Variants in DNAH14 observed in about 807,000 individuals in gnomAD.
The protein encoded by DNAH14 is axonemal beta dynein heavy chain 14.
Under a neutral mutation model 520.9 loss-of-function variants are expected in DNAH14, and 478 were observed. The observed-to-expected ratio is 0.92, with a 90% CI of 0.85 to 0.99. The LOEUF (loss-of-function observed/expected upper bound fraction) is 0.99, where lower values mean the gene tolerates loss of function less well. Among genes scored for constraint, DNAH14 ranks in the 50% least tolerant of loss-of-function variants. DNAH14 has a pLI of 0.00. For missense variants in DNAH14, 4,831 were observed against 5,234.5 expected, an observed-to-expected ratio of 0.92 and a Z score of 2.38; for synonymous variants, 1,581 against 1,757.2, an observed-to-expected ratio of 0.90 and a Z score of 2.51.
In DNAH14 at chr1:225,333,378, TAC is replaced by T; in HGVS notation, c.9954_9955del (p.Tyr3318Ter). ...DILLSAACIV[Y>X]SGILTPEFRQ... Reference sequence around the variant, plus strand: ...ACTTCTTTCAGCAGCGTGCATTGTCTACAGTGGAATTTTAACACCAGAATTTC... The same window carrying T: ...ACTTCTTTCAGCAGCGTGCATTGTCTAGTGGAATTTTAACACCAGAATTTC... On this transcript the variant is annotated frameshift_variant, in exon 66 of 86. Transcript: ENST00000682510. LOFTEE classifies it high-confidence loss of function. The T allele has an allele frequency of 6.4e-7, 1 of 1,551,792 alleles. No individual in the cohort carries two copies. The highest frequency in any genetic ancestry group is 8.7e-7 in the Non-Finnish European group (1 of 1,146,936).
chr1:225,080,099 G>A (rs2072939573), intron 18 of DNAH14, among the ~76,000 whole-genome samples: 1 of 152,164 alleles, frequency 6.6e-6, no homozygotes, highest in African/African-American at 2.4e-5. Flanking sequence ...TCTCAACTAT[G>A]AATGAATGTA....
At chr1:225,126,265 A>C (rs1371881136) in intron 27 of DNAH14, among the ~76,000 whole-genome samples, 1 of 152,142 alleles carries the variant, frequency 6.6e-6, no homozygotes, top group Admixed American at 6.6e-5. Context: ...GGTTACCACA[A>C]ATCTTCAATT....
intron 48 of DNAH14, among the ~76,000 whole-genome samples, chr1:225,266,119 T>C (rs531170067): frequency 7.2e-5 from 11 of 152,118 alleles, no homozygotes; most frequent in South Asian, 2.1e-4. Context: ...GGTTTAAAAT[T>C]TGGAAATGTG....
At chr1:225,265,930 A>G (rs1252108046) in intron 48 of DNAH14, among the ~76,000 whole-genome samples, 2 of 152,066 alleles carry the variant, frequency 1.3e-5, no homozygotes, top group African/African-American at 2.4e-5. Flanking sequence ...ATAAATATAT[A>G]TATATATATT....
chr1:225,350,425 A>C (rs975412108), intron 71 of DNAH14, among the ~76,000 whole-genome samples: 1 of 152,084 alleles, frequency 6.6e-6, no homozygotes, highest in Admixed American at 6.6e-5. Context: ...AAGCAGTGAT[A>C]AACAAAATAG....
rs115542482 is a variant in DNAH14 at position 224,969,011 on chromosome 1, G to A, written c.767+137G>A. The A allele has an allele frequency of 1.4e-3, 800 of 558,350 alleles. 6 individuals are homozygous for A. The highest frequency in any genetic ancestry group is 0.013 in the African/African-American group (654 of 49,746). The allele number at this position is 558,350 out of a possible 1,614,324, so 34.6% of individuals were successfully genotyped here. ...ATTCTTTTATCTAAAAATTTTTTAC[G>A]GAACACCCCATTTCCTCTGTAACTT... On this transcript the variant is annotated intron_variant, in intron 7 of 85. Transcript: ENST00000682510.
chr1:225,109,518 C>T lies in DNAH14; in HGVS notation c.3868-8166C>T, dbSNP rs192173401. On this transcript the variant is annotated intron_variant, in intron 23 of 85. Coordinates refer to ENST00000682510, the MANE Select transcript of DNAH14 (RefSeq NM_001367479.1). Reference sequence around the variant, plus strand: ...TTGATTTTTTTTCATATTGTTCACTCTTGGCATATAGAAATGCTACTGATT... The same window carrying T: ...TTGATTTTTTTTCATATTGTTCACTTTTGGCATATAGAAATGCTACTGATT... Among the ~76,000 whole-genome samples, 175 of 151,872 alleles carry T rather than the reference C, an allele frequency of 1.2e-3. 1 individual carries two copies. Among genetic ancestry groups the T allele is most frequent in the Non-Finnish European group, 1.9e-3 (127 of 67,878 alleles).
At chr1:224,963,236 CTT>C (rs1269635762) in intron 4 of DNAH14, among the ~76,000 whole-genome samples, 3 of 151,890 alleles carry the variant, frequency 2.0e-5, no homozygotes, top group African/African-American at 7.3e-5. Context: ...TATATTTTAA[CTT>C]TGTGTATGGT....
In DNAH14 at chr1:225,023,725, G is replaced by A. The variant is rs2065889507; in HGVS notation, c.1218G>A (p.Lys406=). ...KYRRLLETFF[K]FVMLVDYIFQ... ...GACGTTTATTAGAAACATTTTTCAA[G>A]TTTGTAATGCTGGTTGACTACATAT... The change falls in exon 11 of 86, where the codon AAG becomes AAA. Residue 406 remains lysine, a synonymous_variant. Coordinates refer to ENST00000682510, the MANE Select transcript of DNAH14 (RefSeq NM_001367479.1). The A allele has an allele frequency of 6.4e-7, 1 of 1,550,794 alleles. No individual in the cohort carries two copies. Among genetic ancestry groups the A allele is most frequent in the Non-Finnish European group, 8.7e-7 (1 of 1,146,506 alleles).
rs533328118 is a variant in DNAH14 at position 225,042,959 on chromosome 1, A to G, written c.1613A>G (p.His538Arg). 2.8e-5 allele frequency: 43 copies of G among 1,551,980 alleles called. 1 individual carries two copies. In the South Asian group the frequency reaches 4.0e-4, roughly 15 times the overall value. Residue 538 changes from histidine (H) to arginine (R), a missense_variant, in exon 13 of 86, where the codon CAT (histidine) becomes CGT (arginine). By Grantham distance (29) the His-to-Arg change is conservative. Coordinates refer to ENST00000682510, the MANE Select transcript of DNAH14 (RefSeq NM_001367479.1). ...TCAGAAAATTCTAAAGAGAACTTTC[A>G]TGAGTCTGACCAGTGCCCTGAAGAG... ...DSSENSKENF[H>R]ESDQCPEECV... is the part of the protein sequence containing the mutation.
At chr1:225,016,100 A>G (rs1046409212) in intron 10 of DNAH14, among the ~76,000 whole-genome samples, 3 of 152,214 alleles carry the variant, frequency 2.0e-5, no homozygotes, top group African/African-American at 4.8e-5. Flanking sequence ...TTTTTCAATA[A>G]CTAATGTATA....
At chr1:225,009,238 G>T (rs1399475889) in intron 10 of DNAH14, among the ~76,000 whole-genome samples, 1 of 152,132 alleles carries the variant, frequency 6.6e-6, no homozygotes, top group Non-Finnish European at 1.5e-5. Flanking sequence ...ATGGTTTTAG[G>T]TCTTACATTT....
At chr1:225,097,635 G>A (rs73133577) in intron 22 of DNAH14, among the ~76,000 whole-genome samples, 5,519 of 151,896 alleles carry the variant, frequency 0.036, 310 homozygotes, top group African/African-American at 0.13. Context: ...TAAGGTGGGC[G>A]TGGTGGTGGG....
intron 23 of DNAH14, among the ~76,000 whole-genome samples, chr1:225,111,666 T>A (rs2076488062): frequency 6.6e-6 from 1 of 152,066 alleles, no homozygotes; most frequent in East Asian, 1.9e-4. Context: ...TGCTTGCCAT[T>A]TTTAAAATTT....
intron 41 of DNAH14, among the ~76,000 whole-genome samples, chr1:225,230,658 A>T (rs1310322558): frequency 6.6e-6 from 1 of 152,128 alleles, no homozygotes; most frequent in South Asian, 2.1e-4. Context: ...TGTTTTAATA[A>T]ATTTGTTACT....
At chr1:225,365,116 A>G (rs1036639505) in intron 76 of DNAH14, among the ~76,000 whole-genome samples, 4 of 152,228 alleles carry the variant, frequency 2.6e-5, no homozygotes, top group Non-Finnish European at 5.9e-5. Flanking sequence ...TATTTGCTCA[A>G]ACAAGGATGT....
At chr1:224,943,692 A>G (rs890732262) in intron 1 of DNAH14, among the ~76,000 whole-genome samples, 2 of 151,684 alleles carry the variant, frequency 1.3e-5, no homozygotes, top group Non-Finnish European at 2.9e-5. Flanking sequence ...CTGGTATGTT[A>G]TGTCTTTGTT....
chr1:225,078,800 CTCTCTCTCTCTCTCTCTCTCTCT>C (rs764065474), intron 17 of DNAH14, among the ~76,000 whole-genome samples: 13,522 of 67,112 alleles, frequency 0.2, 1,898 homozygotes, highest in South Asian at 0.26. Context: ...CTCTCTCTCT[CTCTCTCTCTCTCTCTCTCTCTCT>C]CCCTCTCTCT....
chr1:225,183,733 AGAT>A (rs2084334989), intron 36 of DNAH14, among the ~76,000 whole-genome samples: 1 of 152,046 alleles, frequency 6.6e-6, no homozygotes, highest in African/African-American at 2.4e-5. Flanking sequence ...GAAACAACAA[AGAT>A]GATGTTATAA....
Sources: allele counts gnomAD v4.1 joint callset (sites outside exome capture counted in the v4.1 genomes callset), GRCh38; gene constraint gnomAD v4.1.1; transcripts MANE v1.5; gene names NCBI Gene and HGNC (gene_info 2026-07-23, HGNC 2026-07-21).